The following SDK1 variants were observed in gnomAD, a reference collection of about 807,000 sequenced individuals.
SDK1 encodes the protein sidekick cell adhesion molecule 1, also known as protein sidekick-1.
Under a neutral mutation model 245.5 loss-of-function variants are expected in SDK1, and 157 were observed. That is an observed-to-expected ratio of 0.64 (90% CI 0.56 to 0.73). SDK1 has a LOEUF of 0.73. Ranked by LOEUF, SDK1 falls within the 30% of genes least tolerant of loss-of-function variation. The probability of loss-of-function intolerance (pLI) is 0.00; values close to 1 mark genes in which losing one functional copy is unlikely to be tolerated. For synonymous variants in SDK1, 1,647 were observed against 1,278.5 expected, an observed-to-expected ratio of 1.29 and a Z score of -6.15; for missense variants, 3,583 against 3,002.3, an observed-to-expected ratio of 1.19 and a Z score of -4.52.
intron 5 of SDK1, among the ~76,000 whole-genome samples, chr7:3,823,589 G>A (rs1779699166): frequency 6.6e-6 from 1 of 152,144 alleles, no homozygotes; most frequent in Non-Finnish European, 1.5e-5. Flanking sequence ...ATTTTTTTCA[G>A]TAATTTCAGT....
At chr7:3,638,949 T>C (rs1782559336) in intron 2 of SDK1, 55 bp from the exon 3 acceptor site, 4 of 1,061,616 alleles carry the variant, frequency 3.8e-6, no homozygotes. Flanking sequence ...GATGGTTAGA[T>C]ATAACCATGA....
At chr7:3,907,780 G>A (rs1432799698) in intron 5 of SDK1, among the ~76,000 whole-genome samples, 1 of 152,172 alleles carries the variant, frequency 6.6e-6, no homozygotes, top group Non-Finnish European at 1.5e-5. Flanking sequence ...TAACATATAT[G>A]ATATTCAAAA....
chr7:3,654,314 G>C (rs1783096807), intron 4 of SDK1, among the ~76,000 whole-genome samples: 1 of 151,408 alleles, frequency 6.6e-6, no homozygotes, highest in South Asian at 2.1e-4. Context: ...GTCCCTCAAC[G>C]TGAGTAAGAA....
chr7:3,446,473 C>A (rs978293364), intron 1 of SDK1, among the ~76,000 whole-genome samples: 1 of 152,134 alleles, frequency 6.6e-6, no homozygotes, highest in African/African-American at 2.4e-5. Flanking sequence ...TACAATTTTT[C>A]TGCCAGTCCT....
chr7:3,629,241 C>T (rs1782213186), intron 2 of SDK1, among the ~76,000 whole-genome samples: 5 of 150,196 alleles, frequency 3.3e-5, no homozygotes, highest in Non-Finnish European at 7.4e-5. Context: ...GCAGAGCTTG[C>T]AGTGAGCTGA....
intron 1 of SDK1, among the ~76,000 whole-genome samples, chr7:3,486,748 T>G (rs1228507150): frequency 6.6e-6 from 1 of 152,162 alleles, no homozygotes; most frequent in Admixed American, 6.5e-5. Context: ...CCTATTACAT[T>G]TATTTTAAAA....
intron 1 of SDK1, among the ~76,000 whole-genome samples, chr7:3,308,316 C>T (rs1328901000): frequency 6.6e-6 from 1 of 152,152 alleles, no homozygotes; most frequent in Non-Finnish European, 1.5e-5. Flanking sequence ...TTTATATTTA[C>T]TGTACAGTGA....
intron 1 of SDK1, among the ~76,000 whole-genome samples, chr7:3,493,788 A>T (rs17743836): frequency 0.027 from 4,147 of 152,268 alleles, 81 homozygotes; most frequent in Non-Finnish European, 0.039. Flanking sequence ...CTTATGGAAC[A>T]TTGGATTTGC....
At chr7:3,687,056 A>AAAACACACACAC (rs758259836) in intron 4 of SDK1, among the ~76,000 whole-genome samples, 1 of 135,162 alleles carries the variant, frequency 7.4e-6, no homozygotes, top group Non-Finnish European at 1.6e-5. Flanking sequence ...ATAGCATCAA[A>AAAACACACACAC]ACACACACAC....
chr7:3,442,599 A>C (rs753676176), intron 1 of SDK1, among the ~76,000 whole-genome samples: 1 of 152,220 alleles, frequency 6.6e-6, no homozygotes, highest in Non-Finnish European at 1.5e-5. Flanking sequence ...GCCCTTTTCT[A>C]ACTTTTCAAA....
chr7:3,301,865 G>A lies in SDK1; in HGVS notation c.279G>A (p.Leu93=), dbSNP rs930796532. ...CGCTGCTGGCGCTGCAGCTGCACTTGCTCCGGGCGCTGGCGCAAGGTAGGT... is the reference window on the plus strand; with the variant it reads ...CGCTGCTGGCGCTGCAGCTGCACTTACTCCGGGCGCTGGCGCAAGGTAGGT... ...WWALLALQLH[L]LRALAQDDVA... is the part of the protein sequence containing the mutation. The change falls in exon 1 of 45, where the codon TTG becomes TTA. Residue 93 remains leucine (L), a synonymous_variant. Coordinates refer to ENST00000404826, the MANE Select transcript of SDK1 (RefSeq NM_152744.4). The A allele has an allele frequency of 3.5e-6, 4 of 1,135,718 alleles. No homozygotes were observed. In the African/African-American group the frequency reaches 6.6e-5, roughly 19 times the overall value. 70.4% of individuals were successfully genotyped at this position (1,135,718 alleles called of 1,614,324 possible). A position where few individuals can be genotyped will look rare whatever the true frequency, so the allele number is the denominator to read the frequency against.
intron 4 of SDK1, among the ~76,000 whole-genome samples, chr7:3,807,427 C>T (rs893818138): frequency 6.6e-6 from 1 of 152,148 alleles, no homozygotes; most frequent in Non-Finnish European, 1.5e-5. Context: ...CCAGGGGCTG[C>T]CTCAAGCCCA....
At chr7:3,579,059 T>C (rs1240543781) in intron 1 of SDK1, among the ~76,000 whole-genome samples, 1 of 151,980 alleles carries the variant, frequency 6.6e-6, no homozygotes, top group Non-Finnish European at 1.5e-5. Flanking sequence ...AGCTGGTCCC[T>C]CCATTTGGTG....
intron 35 of SDK1, 64 bp from the exon 36 acceptor site, chr7:4,205,815 G>A: frequency 7.6e-7 from 1 of 1,320,910 alleles, no homozygotes; most frequent in South Asian, 1.3e-5. Flanking sequence ...TGGGCATGTG[G>A]GCGAGGGTCC....
intron 4 of SDK1, among the ~76,000 whole-genome samples, chr7:3,678,963 C>T (rs181058817): frequency 5.3e-5 from 8 of 152,010 alleles, no homozygotes; most frequent in Non-Finnish European, 8.8e-5. Flanking sequence ...ACAAAACATA[C>T]GAGAGATTTA....
chr7:3,391,348 C>T (rs1019770462), intron 1 of SDK1, among the ~76,000 whole-genome samples: 1 of 152,138 alleles, frequency 6.6e-6, no homozygotes, highest in African/African-American at 2.4e-5. Context: ...TTGTGCAGGA[C>T]TTAGGAACAC....
At chr7:3,418,680 T>A (rs1779450408) in intron 1 of SDK1, among the ~76,000 whole-genome samples, 1 of 152,194 alleles carries the variant, frequency 6.6e-6, no homozygotes, top group South Asian at 2.1e-4. Context: ...TTCCAGGGTA[T>A]ATTTTGGGAG....
intron 1 of SDK1, among the ~76,000 whole-genome samples, chr7:3,508,771 C>A (rs1015921346): frequency 6.6e-6 from 1 of 152,122 alleles, no homozygotes; most frequent in Non-Finnish European, 1.5e-5. Flanking sequence ...TTGGCATTGC[C>A]CCAAACCTGT....
At chr7:3,439,482 G>GTCAACCTTTCCTAAGATTA (rs1399320389) in intron 1 of SDK1, among the ~76,000 whole-genome samples, 1 of 152,070 alleles carries the variant, frequency 6.6e-6, no homozygotes, top group Non-Finnish European at 1.5e-5. Flanking sequence ...AGACTCAGTG[G>GTCAACCTTTCCTAAGATTA]ACAGCAATCA....
Sources: gnomAD v4.1 joint callset for allele counts (sites outside exome capture counted in the v4.1 genomes callset) on GRCh38, gnomAD v4.1.1 for gene constraint, MANE v1.5 for transcripts, NCBI Gene and HGNC (gene_info 2026-07-23, HGNC 2026-07-21) for gene names.